The following SIL1 variants were observed in gnomAD, a reference collection of about 807,000 sequenced individuals.
SIL1 encodes the protein SIL1 nucleotide exchange factor, also known as nucleotide exchange factor SIL1.
In SIL1, 40 loss-of-function variants were observed where a neutral mutation model predicts 49.1. The observed-to-expected ratio is 0.81, with a 90% confidence interval of 0.63 to 1.06. The LOEUF is 1.06. Ranked by LOEUF, SIL1 falls within the 50% of genes least tolerant of loss-of-function variation. The pLI is 0.00. For synonymous variants in SIL1, 253 were observed against 250.8 expected (o/e 1.01, Z -0.08); for missense variants, 500 against 572.6 (o/e 0.87, Z 1.29).
At chr5:138,992,661 T>TA (rs1767782674) in intron 7 of SIL1, among the ~76,000 whole-genome samples, 1 of 150,306 alleles carries the variant, frequency 6.7e-6, no homozygotes, top group African/African-American at 2.4e-5. Flanking sequence ...CCTTGGGCGC[T>TA]AAACTACAAG....
chr5:139,157,456 G>A (rs1252995900), intron 1 of SIL1, among the ~76,000 whole-genome samples: 1 of 152,188 alleles, frequency 6.6e-6, no homozygotes, highest in Non-Finnish European at 1.5e-5. Flanking sequence ...GAGAAGGAGT[G>A]AGCCACCTGA....
At chr5:139,112,622 C>G (rs1482814448) in intron 3 of SIL1, among the ~76,000 whole-genome samples, 2 of 148,794 alleles carry the variant, frequency 1.3e-5, no homozygotes, top group Non-Finnish European at 3.0e-5. Context: ...CCAACCCCTC[C>G]GGGAGGGAGG....
chr5:139,194,579 A>C (rs1258498771), intron 1 of SIL1, among the ~76,000 whole-genome samples: 1 of 152,264 alleles, frequency 6.6e-6, no homozygotes, highest in Admixed American at 6.5e-5. Flanking sequence ...GCTCAGAAAG[A>C]GAGAAGATTA....
At position 139,000,591 on chromosome 5, in the gene SIL1, T is replaced by C. The variant is rs554605779; in HGVS notation, c.767+20580A>G. On this transcript the variant is annotated intron_variant, in intron 7 of 9. Coordinates refer to ENST00000394817, the MANE Select transcript of SIL1 (RefSeq NM_022464.5). ...TTAAATCTATATCTCACAGCATACA[T>C]AAAAATAAATATTAAAATAAAAACC... 3.3e-5 allele frequency among the ~76,000 whole-genome samples: 5 copies of C among 152,116 alleles called. No homozygotes were observed. In the East Asian group the frequency reaches 9.6e-4, roughly 29 times the overall value.
chr5:138,970,509 A>C (rs1767245855), intron 7 of SIL1, among the ~76,000 whole-genome samples: 1 of 152,196 alleles, frequency 6.6e-6, no homozygotes, highest in South Asian at 2.1e-4. Flanking sequence ...TATGGAAAAG[A>C]GAGTGTACTG....
intron 1 of SIL1, among the ~76,000 whole-genome samples, chr5:139,176,432 C>G (rs1156970310): frequency 6.6e-6 from 1 of 152,188 alleles, no homozygotes; most frequent in East Asian, 1.9e-4. Context: ...AAAGCTGCTT[C>G]CACATTTTAG....
intron 5 of SIL1, among the ~76,000 whole-genome samples, chr5:139,038,667 C>T (rs1212023648): frequency 5.9e-5 from 9 of 152,378 alleles, no homozygotes; most frequent in Admixed American, 4.6e-4. Flanking sequence ...ACTTCACCTG[C>T]CACCACTGGA....
intron 1 of SIL1, among the ~76,000 whole-genome samples, chr5:139,171,456 T>C (rs2151815529): frequency 6.6e-6 from 1 of 152,260 alleles, no homozygotes; most frequent in South Asian, 2.1e-4. Context: ...TTAAATGGAT[T>C]AAGGGTGGTG....
chr5:138,994,486 T>C (rs1354018960), intron 7 of SIL1, among the ~76,000 whole-genome samples: 1 of 152,216 alleles, frequency 6.6e-6, no homozygotes, highest in East Asian at 1.9e-4. Context: ...AGACATATCA[T>C]GTTCATGAAC....
At chr5:139,083,015 C>G (rs1464374182) in intron 3 of SIL1, among the ~76,000 whole-genome samples, 3 of 152,202 alleles carry the variant, frequency 2.0e-5, no homozygotes, top group Non-Finnish European at 4.4e-5. Context: ...GGGCACTGGG[C>G]CAGGCCCTGC....
At chr5:139,010,527 A>C (rs1352021173) in intron 7 of SIL1, among the ~76,000 whole-genome samples, 1 of 152,104 alleles carries the variant, frequency 6.6e-6, no homozygotes, top group Non-Finnish European at 1.5e-5. Context: ...CCTTTGGAGG[A>C]GGAGAGGCGC....
At position 138,947,127 on chromosome 5, in the gene SIL1, TC is replaced by T. The variant is rs1255849351; in HGVS notation, c.1375del (p.Glu459SerfsTer2). ...LLGSVNSLLK[E>X]LR is the part of the protein sequence containing the mutation. ...TCCTGGTGTGGGGCCTCATCTCAGC[TC>T]CTTCAGCAAGCTGTTGACAGAGCCC... On this transcript the variant is annotated frameshift_variant, in exon 10 of 10. Transcript: ENST00000394817. LOFTEE classifies it high-confidence loss of function. This position sits in a 1 kb window ranked among gnomAD's most constrained non-coding sequence, Gnocchi z 4.1. 6 of 1,613,096 alleles carry T rather than the reference TC, an allele frequency of 3.7e-6. No individual in the cohort carries two copies. Among genetic ancestry groups the T allele is most frequent in the Non-Finnish European group, 5.1e-6 (6 of 1,179,594 alleles).
chr5:139,168,972 A>C (rs929008776), intron 1 of SIL1, among the ~76,000 whole-genome samples: 2 of 152,020 alleles, frequency 1.3e-5, no homozygotes, highest in African/African-American at 4.8e-5. Flanking sequence ...AAAAAAAAAA[A>C]AACTGAATTT....
At chr5:138,949,996 C>G (rs1006265771) in intron 9 of SIL1, among the ~76,000 whole-genome samples, 1 of 152,140 alleles carries the variant, frequency 6.6e-6, no homozygotes, top group Admixed American at 6.5e-5. Flanking sequence ...CTCCCCTCCC[C>G]AATCATGTCA....
intron 3 of SIL1, among the ~76,000 whole-genome samples, chr5:139,059,908 A>G (rs1273024749): frequency 1.3e-5 from 2 of 152,182 alleles, no homozygotes; most frequent in Admixed American, 6.5e-5. Context: ...TTTTTGTTCT[A>G]GTATACAAAT....
chr5:139,034,458 T>C (rs922145158), intron 5 of SIL1: 7 of 152,180 alleles, frequency 4.6e-5, no homozygotes, highest in African/African-American at 1.7e-4. Flanking sequence ...TTTTATATAA[T>C]TCCTTTTTGG....
chr5:138,951,293 C>A lies in SIL1; in HGVS notation c.907G>T (p.Ala303Ser). 2 of 1,568,014 alleles carry A rather than the reference C, an allele frequency of 1.3e-6. No individual in the cohort carries two copies. The highest frequency in any genetic ancestry group is 2.3e-5 in the South Asian group (2 of 85,460). ...CCGAGCTTCAGGAACTGCCGCTGGG[C>A]ATAGGGGAAGTGGCGCAGCAGGGAG... The part of the protein sequence containing the change: ...LCSLLRHFPY[A>S]QRQFLKLGGL... Residue 303 changes from alanine (A) to serine (S), a missense_variant, in exon 9 of 10, where the codon GCC (alanine) becomes TCC (serine). Transcript: ENST00000394817.
chr5:138,952,012 G>T lies in SIL1; in HGVS notation c.768-128C>A, dbSNP rs1461281571. 9 of 830,234 alleles carry T rather than the reference G, an allele frequency of 1.1e-5. No individual in the cohort carries two copies. In the East Asian group the frequency reaches 1.8e-4, roughly 16 times the overall value. 51.4% of individuals were successfully genotyped at this position (830,234 alleles called of 1,614,324 possible). A position where few individuals can be genotyped will look rare whatever the true frequency, so the allele number is the denominator to read the frequency against. On this transcript the variant is annotated intron_variant, in intron 7 of 9. Transcript: ENST00000394817. Reference sequence around the variant, plus strand: ...CAACAGAGGTTCCCACACGGGGCAAGTCAAACTCAGCTGGGGAAACAAAGA... The same window carrying T: ...CAACAGAGGTTCCCACACGGGGCAATTCAAACTCAGCTGGGGAAACAAAGA...
chr5:139,142,545 G>A (rs1423104289), intron 1 of SIL1, among the ~76,000 whole-genome samples: 3 of 152,138 alleles, frequency 2.0e-5, no homozygotes, highest in South Asian at 4.1e-4. Flanking sequence ...AAAACCACAT[G>A]ATCATTTCAA....
Sources: allele counts gnomAD v4.1 joint callset (sites outside exome capture counted in the v4.1 genomes callset), GRCh38; gene constraint gnomAD v4.1.1; non-coding constraint Gnocchi (gnomAD v3.1); transcripts MANE v1.5; gene names NCBI Gene and HGNC (gene_info 2026-07-23, HGNC 2026-07-21).